TMEM178A: variants seen among roughly 807,000 people sequenced by gnomAD.
The protein encoded by TMEM178A is transmembrane protein 178A.
A neutral mutation model predicts 29.1 loss-of-function variants in TMEM178A; 12 were observed. The ratio of observed to expected loss-of-function variants is 0.41; its 90% CI spans 0.26 to 0.67. TMEM178A has a LOEUF of 0.67. TMEM178A is among the 30% of genes least tolerant of loss of function. The pLI is 0.29. For synonymous variants in TMEM178A, 210 were observed against 187.2 expected (o/e 1.12, Z -0.99); for missense variants, 366 against 419.1 (o/e 0.87, Z 1.11).
chr2:39,733,765 T>G, the TMEM178A span, among the ~76,000 whole-genome samples: 1 of 152,208 alleles, frequency 6.6e-6, no homozygotes, highest in South Asian at 2.1e-4. Flanking sequence ...TTTTAGTGCA[T>G]AAATTTGAGA....
At position 39,666,211 on chromosome 2, in the gene TMEM178A, G is replaced by A. The variant is rs1572637868; in HGVS notation, c.237G>A (p.Pro79=). 1 of 1,349,480 alleles carries A rather than the reference G, an allele frequency of 7.4e-7. No homozygotes were observed. The highest frequency in any genetic ancestry group is 9.4e-7 in the Non-Finnish European group (1 of 1,059,916). 83.6% of individuals were successfully genotyped at this position (1,349,480 alleles called of 1,614,324 possible). A position where few individuals can be genotyped will look rare whatever the true frequency, so the allele number is the denominator to read the frequency against. ...CCCCGCTGGGGCGCCGGCTGCTCCC[G>A]GGCGGCCCGGGGCGCGCCGACCCCG... ...DSPPLGRRLL[P]GGPGRADPES... is the part of the protein sequence containing the mutation. Residue 79 remains proline (P), a synonymous_variant, in exon 1 of 4, where the codon CCG becomes CCA. Coordinates refer to ENST00000281961, the MANE Select transcript of TMEM178A (RefSeq NM_152390.3).
At chr2:39,704,737 A>G (rs953613783) in intron 2 of TMEM178A, among the ~76,000 whole-genome samples, 1 of 152,204 alleles carries the variant, frequency 6.6e-6, no homozygotes, top group Non-Finnish European at 1.5e-5. Flanking sequence ...TGTGAAACTA[A>G]AGAGGGCTGA....
chr2:39,708,858 G>C (rs1672177544), intron 3 of TMEM178A, among the ~76,000 whole-genome samples: 12 of 152,158 alleles, frequency 7.9e-5, no homozygotes, highest in Admixed American at 7.9e-4. Context: ...TAGCTTCAGG[G>C]AAGAAATCTT....
intron 1 of TMEM178A, among the ~76,000 whole-genome samples, chr2:39,699,379 G>A (rs1308582234): frequency 6.6e-6 from 1 of 152,012 alleles, no homozygotes; most frequent in Non-Finnish European, 1.5e-5. Context: ...CCCTAGCTTT[G>A]TAATCTCTTT....
At chr2:39,708,942 A>G (rs996506495) in intron 3 of TMEM178A, among the ~76,000 whole-genome samples, 5 of 152,218 alleles carry the variant, frequency 3.3e-5, no homozygotes, top group African/African-American at 9.6e-5. Flanking sequence ...GGGCATTAAC[A>G]GTTTCACACA....
At chr2:39,688,822 C>T (rs1461874385) in intron 1 of TMEM178A, among the ~76,000 whole-genome samples, 1 of 152,166 alleles carries the variant, frequency 6.6e-6, no homozygotes, top group Non-Finnish European at 1.5e-5. Flanking sequence ...AGAACAGATT[C>T]TCTTTGTAGA....
chr2:39,712,995 G>A (rs1672379835), intron 3 of TMEM178A, among the ~76,000 whole-genome samples: 1 of 152,212 alleles, frequency 6.6e-6, no homozygotes, highest in Non-Finnish European at 1.5e-5. Flanking sequence ...AGAACTCAAT[G>A]TATTGCAGAA....
Position 39,666,070 on chromosome 2 carries a change from C to T in TMEM178A, c.96C>T (p.Tyr32=), listed in dbSNP as rs761363620. 1.3e-6 allele frequency: 2 copies of T among 1,569,696 alleles called. No individual in the cohort carries two copies. The highest frequency in any genetic ancestry group is 1.7e-6 in the Non-Finnish European group (2 of 1,161,508). ...LVTAIFTDHW[Y]ETDPRRHKES... is the part of the protein sequence containing the mutation. ...CGGCCATCTTCACCGACCACTGGTA[C>T]GAGACCGACCCCCGGCGCCACAAGG... The change falls in exon 1 of 4, where the codon TAC becomes TAT. Residue 32 remains tyrosine (Y), a synonymous_variant. Coordinates refer to ENST00000281961, the MANE Select transcript of TMEM178A (RefSeq NM_152390.3).
At chr2:39,735,431 T>C in the TMEM178A span, among the ~76,000 whole-genome samples, 1 of 152,208 alleles carries the variant, frequency 6.6e-6, no homozygotes, top group African/African-American at 2.4e-5. Flanking sequence ...GCCCGCCTCA[T>C]AGGGCTCGTA....
the TMEM178A span, among the ~76,000 whole-genome samples, chr2:39,732,447 T>A: frequency 6.6e-6 from 1 of 152,034 alleles, no homozygotes; most frequent in African/African-American, 2.4e-5. Flanking sequence ...ACCGCTCCCA[T>A]CTGATGAGGA....
chr2:39,712,931 A>T (rs1019159151), intron 3 of TMEM178A, among the ~76,000 whole-genome samples: 5 of 152,280 alleles, frequency 3.3e-5, no homozygotes, highest in Non-Finnish European at 7.3e-5. Flanking sequence ...ATAACTTGCT[A>T]CATAGGTAAT....
intron 1 of TMEM178A, among the ~76,000 whole-genome samples, chr2:39,690,329 G>C (rs537701259): frequency 1.3e-5 from 2 of 152,344 alleles, no homozygotes; most frequent in Middle Eastern, 3.4e-3. Flanking sequence ...ACAAGCTTCT[G>C]AGATGGTGTG....
chr2:39,705,273 T>C (rs573464223), intron 2 of TMEM178A, among the ~76,000 whole-genome samples: 65 of 152,364 alleles, frequency 4.3e-4, no homozygotes, highest in Middle Eastern at 3.4e-3. Flanking sequence ...GCATGTCTAT[T>C]TCTAAGAAAG....
intron 1 of TMEM178A, among the ~76,000 whole-genome samples, chr2:39,697,442 T>G (rs1671592299): frequency 6.6e-6 from 1 of 152,170 alleles, no homozygotes; most frequent in African/African-American, 2.4e-5. Context: ...ATTCCCACTT[T>G]CTCTTCTAAT....
chr2:39,693,104 A>T (rs894948490), intron 1 of TMEM178A, among the ~76,000 whole-genome samples: 1 of 152,156 alleles, frequency 6.6e-6, no homozygotes, highest in Admixed American at 6.5e-5. Flanking sequence ...ATAGAGCGAG[A>T]CTCTGTTTCA....
the TMEM178A span, among the ~76,000 whole-genome samples, chr2:39,729,275 A>G: frequency 2.0e-5 from 3 of 152,306 alleles, no homozygotes; most frequent in South Asian, 6.2e-4. Flanking sequence ...TACCCCAGCT[A>G]GCCCCTGAGG....
the TMEM178A span, among the ~76,000 whole-genome samples, chr2:39,732,421 C>T: frequency 6.6e-6 from 1 of 152,162 alleles, no homozygotes; most frequent in Admixed American, 6.5e-5. Context: ...CCATGTGGAA[C>T]TCAATGCTGA....
downstream of TMEM178A, among the ~76,000 whole-genome samples, chr2:39,720,696 T>C (rs1672686529): frequency 6.6e-6 from 1 of 152,182 alleles, no homozygotes; most frequent in African/African-American, 2.4e-5. Context: ...CCGTAGGTGC[T>C]CTTAAATCTT....
chr2:39,665,998 G>C lies in TMEM178A; in HGVS notation c.24G>C (p.Thr8=). The C allele has an allele frequency of 6.9e-7, 1 of 1,443,918 alleles. No homozygotes were observed. Among genetic ancestry groups the C allele is most frequent in the Non-Finnish European group, 9.1e-7 (1 of 1,101,274 alleles). 89.4% of individuals were successfully genotyped at this position (1,443,918 alleles called of 1,614,324 possible). MEPRALV[T]ALSLGLSLCS... ...CCATGGAGCCGCGGGCGCTCGTCAC[G>C]GCGCTCAGCCTCGGCCTCAGCCTGT... The change falls in exon 1 of 4, where the codon ACG becomes ACC. Residue 8 remains threonine, a synonymous_variant. Transcript: ENST00000281961.
Sources: allele counts gnomAD v4.1 joint callset (sites outside exome capture counted in the v4.1 genomes callset), GRCh38; gene constraint gnomAD v4.1.1; transcripts MANE v1.5; gene names NCBI Gene and HGNC (gene_info 2026-07-23, HGNC 2026-07-21).